The following IGFBP2 variants were observed in gnomAD, a reference collection of about 807,000 sequenced individuals.
The protein encoded by IGFBP2 is insulin like growth factor binding protein 2, also known as insulin-like growth factor-binding protein 2.
IGFBP2 carries 12 observed loss-of-function variants against 26.2 expected under a neutral mutation model. The observed-to-expected ratio is 0.46, with a 90% CI of 0.29 to 0.74. IGFBP2 has a LOEUF of 0.74. Ranked by LOEUF, IGFBP2 falls within the 30% of genes least tolerant of loss-of-function variation. The pLI is 0.09. For missense variants in IGFBP2, 328 were observed against 441.2 expected (o/e 0.74, Z 2.30); for synonymous variants, 189 against 200.6 (o/e 0.94, Z 0.49).
rs9341203 is a variant in IGFBP2 at position 216,661,532 on chromosome 2, G to A, written c.673-326G>A. ...GAAAGAAGTGGAGCTTGGGCATGGG[G>A]TGGGGGCATGGAGACTCGAGACGGC... On this transcript the variant is annotated intron_variant, in intron 2 of 3. Coordinates refer to ENST00000233809, the MANE Select transcript of IGFBP2 (RefSeq NM_000597.3). 5.8e-3 allele frequency: 2,429 copies of A among 419,906 alleles called. 10 individuals carry two copies. Among genetic ancestry groups the A allele is most frequent in the Non-Finnish European group, 8.4e-3 (1,878 of 222,416 alleles). 26.0% of individuals were successfully genotyped at this position (419,906 alleles called of 1,614,324 possible). A position where few individuals can be genotyped will look rare whatever the true frequency, so the allele number is the denominator to read the frequency against.
chr2:216,652,823 T>C (rs1403141618), intron 1 of IGFBP2, among the ~76,000 whole-genome samples: 1 of 152,212 alleles, frequency 6.6e-6, no homozygotes, highest in Non-Finnish European at 1.5e-5. Flanking sequence ...TTCATTCCCC[T>C]GGCCCATTAC....
At chr2:216,653,652 A>G (rs1293194508) in intron 1 of IGFBP2, among the ~76,000 whole-genome samples, 1 of 152,120 alleles carries the variant, frequency 6.6e-6, no homozygotes, top group East Asian at 1.9e-4. Context: ...TGCCTTCCTC[A>G]TCTCCAGCTC....
chr2:216,633,803 G>A lies in IGFBP2; in HGVS notation c.280G>A (p.Glu94Lys). The change falls in exon 1 of 4, where the codon GAG becomes AAG. Residue 94 changes from glutamate to lysine, a missense_variant. Glu to Lys is a moderately conservative substitution (Grantham distance 56). Transcript: ENST00000233809. ...CGCCSVCARL[E>K]GEACGVYTPR... ...CTGCTGCTCGGTGTGCGCCCGGCTG[G>A]AGGGCGAGGCGTGCGGCGTCTACAC... The A allele has an allele frequency of 6.7e-7, 1 of 1,502,208 alleles. No individual in the cohort carries two copies. 93.1% of individuals were successfully genotyped at this position (1,502,208 alleles called of 1,614,324 possible).
At position 216,661,861 on chromosome 2, in the gene IGFBP2, C is replaced by G. The variant is rs752900627; in HGVS notation, c.676C>G (p.Pro226Ala). The stretch of plus-strand genomic sequence containing the variant: ...CCCCTGCTGTCTGTGCGTGCAGACT[C>G]CCTGCCAACAGGAACTGGACCAGGT... ...KKLRPPPART[P>A]CQQELDQVLE... The change falls in exon 3 of 4, where the codon CCC becomes GCC. Residue 226 changes from proline to alanine, a missense_variant. By Grantham distance (27) the Pro-to-Ala change is conservative. Transcript: ENST00000233809. The G allele has an allele frequency of 6.2e-7, 1 of 1,614,142 alleles. No homozygotes were observed. Among genetic ancestry groups the G allele is most frequent in the Admixed American group, 1.7e-5 (1 of 60,034 alleles).
At position 216,660,738 on chromosome 2, in the gene IGFBP2, T is replaced by C. The variant is rs991239790; in HGVS notation, c.624T>C (p.His208=). ...QHRQMGKGGK[H]HLGLEEPKKL... ...GGCAGATGGGCAAGGGTGGCAAGCA[T>C]CACCTTGGCCTGGAGGAGCCCAAGA... The change falls in exon 2 of 4, where the codon CAT becomes CAC. Residue 208 remains histidine (H), a synonymous_variant. Transcript: ENST00000233809. 3.6e-5 allele frequency: 58 copies of C among 1,612,138 alleles called. No homozygotes were observed. The highest frequency in any genetic ancestry group is 4.8e-5 in the Non-Finnish European group (57 of 1,179,378).
At chr2:216,661,434 C>G (rs1238845442) in intron 2 of IGFBP2, 2 of 335,202 alleles carry the variant, frequency 6.0e-6, no homozygotes, top group East Asian at 1.6e-4. Flanking sequence ...ATATGCTTCT[C>G]TCACTGAGCT....
chr2:216,637,290 G>A (rs1439366627), intron 1 of IGFBP2, among the ~76,000 whole-genome samples: 2 of 152,172 alleles, frequency 1.3e-5, no homozygotes, highest in African/African-American at 4.8e-5. Context: ...GAAAGAAGGA[G>A]ATGGGGAAGC....
At chr2:216,636,809 G>A (rs1213341154) in intron 1 of IGFBP2, among the ~76,000 whole-genome samples, 1 of 152,184 alleles carries the variant, frequency 6.6e-6, no homozygotes, top group African/African-American at 2.4e-5. Context: ...CAATGCAGGG[G>A]ATTATGCTGA....
At position 216,661,791 on chromosome 2, in the gene IGFBP2, C is replaced by G. The variant is rs3732018; in HGVS notation, c.673-67C>G. ...GTGCAGCAGCTTCTCGCTGAGCTTGCGTCTGGCGCGTGCTTCGTGGGCCTG... is the reference window on the plus strand; with the variant it reads ...GTGCAGCAGCTTCTCGCTGAGCTTGGGTCTGGCGCGTGCTTCGTGGGCCTG... On this transcript the variant is annotated intron_variant, in intron 2 of 3. Coordinates refer to ENST00000233809, the MANE Select transcript of IGFBP2 (RefSeq NM_000597.3). The G allele has an allele frequency of 3.6e-3, 5,719 of 1,586,152 alleles. 278 individuals are homozygous for G. In the East Asian group the frequency reaches 0.11, roughly 30 times the overall value.
intron 1 of IGFBP2, among the ~76,000 whole-genome samples, chr2:216,647,724 G>GCA (rs1325681878): frequency 4.6e-5 from 7 of 152,112 alleles, no homozygotes; most frequent in East Asian, 3.9e-4. Flanking sequence ...GTTTCACCAT[G>GCA]TTAGCCAGGA....
intron 1 of IGFBP2, among the ~76,000 whole-genome samples, chr2:216,644,611 TC>T (rs9341141): frequency 0.024 from 3,696 of 152,258 alleles, 119 homozygotes; most frequent in African/African-American, 0.076. Flanking sequence ...AGAGAGTCAG[TC>T]ATTGGCACTA....
At chr2:216,644,725 TTTTG>T (rs1697677732) in intron 1 of IGFBP2, among the ~76,000 whole-genome samples, 1 of 152,198 alleles carries the variant, frequency 6.6e-6, no homozygotes, top group Non-Finnish European at 1.5e-5. Context: ...ATTTTGTTTT[TTTTG>T]TTTGTTTTAT....
intron 3 of IGFBP2, 82 bp from the exon 4 acceptor site, chr2:216,663,858 C>A: frequency 6.8e-7 from 1 of 1,463,972 alleles, no homozygotes. Context: ...CAAGGGGTGG[C>A]TGCTCAGTGG....
intron 1 of IGFBP2, among the ~76,000 whole-genome samples, chr2:216,650,454 A>G (rs983603362): frequency 1.2e-4 from 19 of 152,294 alleles, no homozygotes; most frequent in African/African-American, 4.6e-4. Flanking sequence ...GGAAATCCAA[A>G]AAGAGTTTGC....
intron 1 of IGFBP2, among the ~76,000 whole-genome samples, chr2:216,643,969 A>G (rs1334642505): frequency 1.3e-5 from 2 of 151,638 alleles, no homozygotes; most frequent in African/African-American, 2.4e-5. Flanking sequence ...CCATCTCCCT[A>G]TGCCTCTCCT....
Position 216,633,508 on chromosome 2 carries a change from G to A in IGFBP2, c.-16G>A. ...CTCGCTCGCTCGCCCGCCGCGCCGCGCTGCCGACCGCCAGCATGCTGCCGA... is the reference window on the plus strand; with the variant it reads ...CTCGCTCGCTCGCCCGCCGCGCCGCACTGCCGACCGCCAGCATGCTGCCGA... On this transcript the variant is annotated 5_prime_UTR_variant, in exon 1 of 4. Coordinates refer to ENST00000233809, the MANE Select transcript of IGFBP2 (RefSeq NM_000597.3). The A allele has an allele frequency of 1.4e-6, 1 of 719,924 alleles. No individual in the cohort carries two copies. The highest frequency in any genetic ancestry group is 1.7e-6 in the Non-Finnish European group (1 of 585,058). 44.6% of individuals were successfully genotyped at this position (719,924 alleles called of 1,614,324 possible). A position where few individuals can be genotyped will look rare whatever the true frequency, so the allele number is the denominator to read the frequency against.
intron 3 of IGFBP2, chr2:216,663,363 T>TA (rs1403956577): frequency 7.9e-5 from 12 of 152,302 alleles, no homozygotes; most frequent in African/African-American, 2.9e-4. Flanking sequence ...CTGTGCTTCT[T>TA]ACCAGCTGTG....
chr2:216,661,276 AT>A, intron 2 of IGFBP2: 3 of 247,654 alleles, frequency 1.2e-5, no homozygotes, highest in South Asian at 5.2e-5. Flanking sequence ...CCAGTTTTGT[AT>A]TTTTTGGTGG....
chr2:216,662,067 C>G lies in IGFBP2; in HGVS notation c.813+69C>G, dbSNP rs554847500. 3.9e-6 allele frequency: 6 copies of G among 1,533,044 alleles called. No individual in the cohort carries two copies. The African/African-American group carries it at 6.8e-5, about 17-fold the overall frequency. The allele number at this position is 1,533,044 out of a possible 1,614,324, so 95.0% of individuals were successfully genotyped here. On this transcript the variant is annotated intron_variant, in intron 3 of 3. Transcript: ENST00000233809. The stretch of plus-strand genomic sequence containing the variant: ...CCTGGGCCCCAGATGTGCCTTGTTT[C>G]TGCCCCACCCGCCTATGATCCTCTG...
Sources: gnomAD v4.1 joint callset for allele counts (sites outside exome capture counted in the v4.1 genomes callset) on GRCh38, gnomAD v4.1.1 for gene constraint, MANE v1.5 for transcripts, NCBI Gene and HGNC (gene_info 2026-07-23, HGNC 2026-07-21) for gene names.